NUF2: variants seen among roughly 807,000 people sequenced by gnomAD.
NUF2 encodes NUF2 component of NDC80 kinetochore complex, also known as kinetochore protein Nuf2.
Under a neutral mutation model 61.8 loss-of-function variants are expected in NUF2, and 34 were observed. The ratio of observed to expected loss-of-function variants is 0.55; its 90% CI spans 0.42 to 0.73. The LOEUF (loss-of-function observed/expected upper bound fraction) is 0.73. Among genes scored for constraint, NUF2 ranks in the 30% least tolerant of loss-of-function variants. The pLI is 0.00. For missense variants in NUF2, 445 were observed against 539.1 expected (o/e 0.83, Z 1.73); for synonymous variants, 172 against 181.6 (o/e 0.95, Z 0.42).
intron 7 of NUF2, 64 bp downstream of exon 7, chr1:163,338,157 T>TACTTACA: frequency 8.3e-7 from 1 of 1,211,090 alleles, no homozygotes; most frequent in Non-Finnish European, 1.2e-6. Flanking sequence ...TTGTAAGTAG[T>TACTTACA]ATTTTACAAC....
At chr1:163,348,202 A>G (rs916177590) in intron 12 of NUF2, among the ~76,000 whole-genome samples, 1 of 152,132 alleles carries the variant, frequency 6.6e-6, no homozygotes, top group South Asian at 2.1e-4. Flanking sequence ...TTCTGATGCT[A>G]CTGATTATTT....
intron 9 of NUF2, among the ~76,000 whole-genome samples, chr1:163,342,697 G>A (rs1299408690): frequency 1.3e-5 from 2 of 151,898 alleles, no homozygotes. Context: ...TAGAGAGAGG[G>A]GAGTATACAC....
At chr1:163,332,286 C>A (rs1284327290) in intron 5 of NUF2, among the ~76,000 whole-genome samples, 1 of 151,836 alleles carries the variant, frequency 6.6e-6, no homozygotes, top group Admixed American at 6.6e-5. Context: ...GGGATTTTCC[C>A]ACAATTTTTT....
Position 163,352,861 on chromosome 1 carries a change from G to A in NUF2, c.1261-2474G>A, listed in dbSNP as rs566344838. Reference sequence around the variant, plus strand: ...AGCCTGGGCGACAGAGCGAGACTCCGTCTCAAAAAAAAAAAAAATATTCTA... The same window carrying A: ...AGCCTGGGCGACAGAGCGAGACTCCATCTCAAAAAAAAAAAAAATATTCTA... On this transcript the variant is annotated intron_variant, in intron 13 of 13. Transcript: ENST00000271452. Among the ~76,000 whole-genome samples the A allele has an allele frequency of 9.2e-4, 138 of 150,384 alleles. 2 individuals carry two copies. In the Middle Eastern group the frequency reaches 0.017, roughly 19 times the overall value.
chr1:163,348,215 T>C (rs906167065), intron 12 of NUF2, among the ~76,000 whole-genome samples: 1 of 152,162 alleles, frequency 6.6e-6, no homozygotes, highest in African/African-American at 2.4e-5. Context: ...GATTATTTCA[T>C]TGCACTTTAG....
intron 5 of NUF2, among the ~76,000 whole-genome samples, chr1:163,332,163 A>T (rs1426173387): frequency 1.3e-5 from 2 of 151,676 alleles, no homozygotes; most frequent in Non-Finnish European, 2.9e-5. Context: ...CCAAACCTTG[A>T]TATGTTGTAT....
At chr1:163,325,831 A>T (rs1650399522) in intron 1 of NUF2, among the ~76,000 whole-genome samples, 1 of 152,182 alleles carries the variant, frequency 6.6e-6, no homozygotes, top group Admixed American at 6.5e-5. Context: ...ATTAGCAGAA[A>T]ATAACTGTGT....
intron 6 of NUF2, among the ~76,000 whole-genome samples, chr1:163,337,114 T>C (rs1375987955): frequency 6.6e-6 from 1 of 152,142 alleles, no homozygotes; most frequent in Non-Finnish European, 1.5e-5. Flanking sequence ...TGTTTTCCTA[T>C]ATTAGGAAAT....
At chr1:163,348,033 AAAG>A in intron 12 of NUF2, 95 bp downstream of exon 12, 1 of 890,252 alleles carries the variant, frequency 1.1e-6, no homozygotes, top group Non-Finnish European at 1.6e-6. Flanking sequence ...GTATTTTCCA[AAAG>A]AGTTTAAACA....
chr1:163,346,874 C>T (rs1651153269), intron 11 of NUF2, among the ~76,000 whole-genome samples: 1 of 152,052 alleles, frequency 6.6e-6, no homozygotes, highest in African/African-American at 2.4e-5. Flanking sequence ...CACAAACATC[C>T]AGGGTGGAAT....
chr1:163,337,398 TG>T (rs1650793113), intron 6 of NUF2, among the ~76,000 whole-genome samples: 3 of 152,196 alleles, frequency 2.0e-5, no homozygotes, highest in African/African-American at 7.2e-5. Flanking sequence ...TCTTCAATAA[TG>T]GGGTACCATA....
chr1:163,351,393 T>TCAGTAA (rs1651313344), intron 13 of NUF2, among the ~76,000 whole-genome samples: 1 of 152,234 alleles, frequency 6.6e-6, no homozygotes, highest in Non-Finnish European at 1.5e-5. Context: ...CTGTTACTTT[T>TCAGTAA]AATTCAGAAT....
At chr1:163,322,472 C>G (rs1392447344) in intron 1 of NUF2, among the ~76,000 whole-genome samples, 1 of 152,172 alleles carries the variant, frequency 6.6e-6, no homozygotes, top group Non-Finnish European at 1.5e-5. Flanking sequence ...AAATCCAAAA[C>G]CATGAATGAA....
At chr1:163,339,219 T>A (rs1199043438) in intron 7 of NUF2, 162 bp from the exon 8 acceptor site, 2 of 565,518 alleles carry the variant, frequency 3.5e-6, no homozygotes, top group Non-Finnish European at 6.3e-6. Flanking sequence ...CTGCCTGTAG[T>A]AGAGGCCAGA....
chr1:163,341,832 G>T (rs1043888705), intron 9 of NUF2, among the ~76,000 whole-genome samples: 4 of 152,008 alleles, frequency 2.6e-5, no homozygotes, highest in African/African-American at 9.7e-5. Flanking sequence ...GTTTTACCAT[G>T]TTGGCCAGGC....
At chr1:163,324,503 C>T (rs563603573) in intron 1 of NUF2, among the ~76,000 whole-genome samples, 3 of 103,790 alleles carry the variant, frequency 2.9e-5, no homozygotes, top group Admixed American at 2.9e-4. Flanking sequence ...CCTTTTTAAC[C>T]CTAAAATTCT....
intron 1 of NUF2, 130 bp from the exon 2 acceptor site, chr1:163,325,902 G>A (rs550213098): frequency 1.8e-6 from 1 of 564,018 alleles, no homozygotes; most frequent in East Asian, 2.8e-5. Context: ...ATCTTACTAA[G>A]ATATTTGATG....
intron 5 of NUF2, among the ~76,000 whole-genome samples, chr1:163,333,680 C>G (rs967543059): frequency 1.3e-5 from 2 of 151,932 alleles, no homozygotes; most frequent in African/African-American, 4.8e-5. Flanking sequence ...TATATTATAC[C>G]TTACAATAAT....
chr1:163,353,541 A>G (rs989078096), intron 13 of NUF2, among the ~76,000 whole-genome samples: 6 of 152,094 alleles, frequency 3.9e-5, no homozygotes, highest in South Asian at 4.1e-4. Context: ...AAATTTAAAT[A>G]GTAGCCACAT....
Sources: gnomAD v4.1 joint callset for allele counts (sites outside exome capture counted in the v4.1 genomes callset) on GRCh38, gnomAD v4.1.1 for gene constraint, MANE v1.5 for transcripts, NCBI Gene and HGNC (gene_info 2026-07-23, HGNC 2026-07-21) for gene names.